Variants in RPS6KC1 observed in about 807,000 individuals in gnomAD.
RPS6KC1 encodes the protein inactive ribosomal protein S6 kinase delta-1.
RPS6KC1 carries 54 observed loss-of-function variants against 103.8 expected under a neutral mutation model. The ratio of observed to expected loss-of-function variants is 0.52; its 90% CI spans 0.42 to 0.65. The LOEUF (loss-of-function observed/expected upper bound fraction) is 0.65, where lower values mean the gene tolerates loss of function less well. Ranked by LOEUF, RPS6KC1 falls within the 30% of genes least tolerant of loss-of-function variation. RPS6KC1 has a pLI of 0.00. For missense variants in RPS6KC1, 1,151 were observed against 1,253.8 expected (o/e 0.92, Z 1.24); for synonymous variants, 439 against 438.7 (o/e 1.00, Z -0.01).
At chr1:213,614,640 C>T in the RPS6KC1 span, among the ~76,000 whole-genome samples, 1 of 152,170 alleles carries the variant, frequency 6.6e-6, no homozygotes, top group Non-Finnish European at 1.5e-5. Context: ...TCTTGGTTTC[C>T]TATGTCCTTG....
At chr1:213,858,956 G>T in the RPS6KC1 span, among the ~76,000 whole-genome samples, 6 of 152,184 alleles carry the variant, frequency 3.9e-5, no homozygotes, top group African/African-American at 2.4e-5. Context: ...GTAAATAAAT[G>T]CATCTCTGAT....
the RPS6KC1 span, among the ~76,000 whole-genome samples, chr1:213,733,234 G>GT: frequency 9.4e-5 from 6 of 64,088 alleles, no homozygotes; most frequent in African/African-American, 2.4e-4. Flanking sequence ...TTGTTTTTGG[G>GT]TTTTGTTTTT....
At chr1:213,743,424 T>G in the RPS6KC1 span, among the ~76,000 whole-genome samples, 1 of 152,286 alleles carries the variant, frequency 6.6e-6, no homozygotes, top group East Asian at 1.9e-4. Flanking sequence ...AAAAACTACT[T>G]ATTGGGTACT....
chr1:213,318,330 T>C, the RPS6KC1 span, among the ~76,000 whole-genome samples: 7 of 152,268 alleles, frequency 4.6e-5, no homozygotes, highest in African/African-American at 1.7e-4. Flanking sequence ...TGGGAGTTCA[T>C]GGTAGGCATT....
the RPS6KC1 span, among the ~76,000 whole-genome samples, chr1:213,845,011 C>T: frequency 4.6e-5 from 7 of 152,122 alleles, no homozygotes; most frequent in African/African-American, 1.7e-4. Context: ...TGTCAATCCT[C>T]CAGACAGAGG....
chr1:213,053,137 C>T (rs996193794), intron 1 of RPS6KC1, among the ~76,000 whole-genome samples: 1 of 151,898 alleles, frequency 6.6e-6, no homozygotes, highest in African/African-American at 2.4e-5. Flanking sequence ...TGAAACCTTT[C>T]TAGTCATTGG....
chr1:213,466,104 C>T, the RPS6KC1 span, among the ~76,000 whole-genome samples: 1 of 152,142 alleles, frequency 6.6e-6, no homozygotes, highest in African/African-American at 2.4e-5. Context: ...TCCCCCACAA[C>T]CTCCACCTAA....
At chr1:213,076,573 G>GTGATA (rs1266901447) in intron 2 of RPS6KC1, among the ~76,000 whole-genome samples, 1 of 151,566 alleles carries the variant, frequency 6.6e-6, no homozygotes, top group East Asian at 1.9e-4. Flanking sequence ...GGCTGAATCT[G>GTGATA]TGATATCAAG....
chr1:213,714,670 A>G, the RPS6KC1 span, among the ~76,000 whole-genome samples: 1 of 152,362 alleles, frequency 6.6e-6, no homozygotes, highest in Admixed American at 6.5e-5. Context: ...CCTCTGACCA[A>G]TGCCAAAACA....
chr1:213,212,168 GTATCCAGCATTATAA>G (rs1290965842), intron 8 of RPS6KC1, among the ~76,000 whole-genome samples: 1 of 152,062 alleles, frequency 6.6e-6, no homozygotes, highest in African/African-American at 2.4e-5. Flanking sequence ...TAATGACCAT[GTATCCAGCATTATAA>G]TATCATACAG....
chr1:213,561,289 T>C, the RPS6KC1 span, among the ~76,000 whole-genome samples: 15 of 152,244 alleles, frequency 9.9e-5, no homozygotes, highest in Non-Finnish European at 2.1e-4. Context: ...AATCTATTTA[T>C]GTGCTGTGGT....
At chr1:213,124,016 T>C (rs1200913045) in intron 5 of RPS6KC1, among the ~76,000 whole-genome samples, 1 of 152,122 alleles carries the variant, frequency 6.6e-6, no homozygotes, top group African/African-American at 2.4e-5. Context: ...TAGACAGATT[T>C]CACTATACTG....
chr1:213,637,654 C>T, the RPS6KC1 span, among the ~76,000 whole-genome samples: 1 of 152,100 alleles, frequency 6.6e-6, no homozygotes, highest in Non-Finnish European at 1.5e-5. Flanking sequence ...AACCGTGAAA[C>T]TATTTTCCAG....
At chr1:213,724,002 G>C in the RPS6KC1 span, among the ~76,000 whole-genome samples, 1 of 152,206 alleles carries the variant, frequency 6.6e-6, no homozygotes, top group South Asian at 2.1e-4. Context: ...GAGTGAAATT[G>C]CCCATGAAGG....
the RPS6KC1 span, among the ~76,000 whole-genome samples, chr1:213,580,048 A>G: frequency 2.6e-5 from 4 of 152,014 alleles, no homozygotes; most frequent in African/African-American, 9.6e-5. Context: ...TAAAACGTAC[A>G]TTTTGTAAGG....
At chr1:213,223,775 G>A (rs997452929) in intron 8 of RPS6KC1, among the ~76,000 whole-genome samples, 2 of 152,078 alleles carry the variant, frequency 1.3e-5, no homozygotes, top group Non-Finnish European at 2.9e-5. Flanking sequence ...AGTTCTTTAA[G>A]GAATCTCCAT....
the RPS6KC1 span, among the ~76,000 whole-genome samples, chr1:213,664,414 T>G: frequency 6.6e-6 from 1 of 152,120 alleles, no homozygotes; most frequent in African/African-American, 2.4e-5. Context: ...CACATGTCCA[T>G]GAAGCTGGAC....
At chr1:213,064,974 C>CA (rs2078187282) in intron 1 of RPS6KC1, among the ~76,000 whole-genome samples, 1 of 89,728 alleles carries the variant, frequency 1.1e-5, no homozygotes, top group African/African-American at 3.7e-5. Context: ...CGTGCCCGGC[C>CA]TTTTTTTTTT....
intron 2 of RPS6KC1, among the ~76,000 whole-genome samples, chr1:213,077,467 T>C (rs2079447508): frequency 6.6e-6 from 1 of 152,210 alleles, no homozygotes; most frequent in Non-Finnish European, 1.5e-5. Context: ...TTATATGTAA[T>C]ATATTTTTAC....
Sources: allele counts gnomAD v4.1 joint callset (sites outside exome capture counted in the v4.1 genomes callset), GRCh38; gene constraint gnomAD v4.1.1; transcripts MANE v1.5; gene names NCBI Gene and HGNC (gene_info 2026-07-23, HGNC 2026-07-21).